MAP3K3: variants seen among roughly 807,000 people sequenced by gnomAD.
MAP3K3 encodes the protein mitogen-activated protein kinase kinase kinase 3.
Under a neutral mutation model 80.9 loss-of-function variants are expected in MAP3K3, and 12 were observed. That is an observed-to-expected ratio of 0.15 (90% CI 0.10 to 0.24). The LOEUF is 0.24. MAP3K3 is among the 10% of genes least tolerant of loss of function. MAP3K3 has a pLI of 1.00. For synonymous variants in MAP3K3, 272 were observed against 307.1 expected, an observed-to-expected ratio of 0.89 and a Z score of 1.19; for missense variants, 596 against 834.7, an observed-to-expected ratio of 0.71 and a Z score of 3.52.
In MAP3K3 at chr17:63,693,727, C is replaced by T; in HGVS notation, c.1831C>T (p.Pro611Ser). Reference sequence around the variant, plus strand: ...CATTTTTGTGGAGGCTCGCCAGAGACCTTCAGCTGAGGAGCTGCTCACACA... The same window carrying T: ...CATTTTTGTGGAGGCTCGCCAGAGATCTTCAGCTGAGGAGCTGCTCACACA... Reference protein sequence around the residue: ...RRIFVEARQRPSAEELLTHHF... With the variant: ...RRIFVEARQRSSAEELLTHHF... Residue 611 changes from proline (P) to serine (S), a missense_variant, in exon 16 of 16, where the codon CCT (proline) becomes TCT (serine). By Grantham distance (74) the Pro-to-Ser change is moderately conservative. Around this residue, in one of 2 missense-constraint regions of MAP3K3, gnomAD observed 364 missense variants for 588.9 expected, o/e 0.62. Transcript: ENST00000361733. The surrounding 1 kb of genome is among the most constrained non-coding windows in gnomAD (Gnocchi z 4.2). The T allele has an allele frequency of 6.2e-7, 1 of 1,603,132 alleles. No homozygotes were observed. The highest frequency in any genetic ancestry group is 8.5e-7 in the Non-Finnish European group (1 of 1,173,042).
intron 2 of MAP3K3, among the ~76,000 whole-genome samples, chr17:63,634,961 C>T: frequency 6.6e-6 from 1 of 152,224 alleles, no homozygotes; most frequent in East Asian, 1.9e-4. Context: ...CACCATTTCT[C>T]ACAACAGTAT....
At chr17:63,632,044 C>CA (rs2090150609) in intron 1 of MAP3K3, among the ~76,000 whole-genome samples, 1 of 152,198 alleles carries the variant, frequency 6.6e-6, no homozygotes, top group Non-Finnish European at 1.5e-5. Context: ...TACCATATTA[C>CA]ATTGTACTGT....
chr17:63,622,455 G>C lies in MAP3K3; in HGVS notation c.-305G>C, dbSNP rs1267151414. ...TTCCTGAGGTGGAGAACGGTGGCCG[G>C]ACGGAGAGACTGCGGGTCTGAGGGA... On this transcript the variant is annotated 5_prime_UTR_variant, in exon 1 of 16. Coordinates refer to ENST00000361733, the MANE Select transcript of MAP3K3 (RefSeq NM_002401.5). The C allele has an allele frequency of 6.5e-6, 1 of 153,238 alleles. No homozygotes were observed. Among genetic ancestry groups the C allele is most frequent in the Admixed American group, 6.5e-5 (1 of 15,300 alleles). The allele number at this position is 153,238 out of a possible 1,614,324, so 9.5% of individuals were successfully genotyped here.
intron 1 of MAP3K3, among the ~76,000 whole-genome samples, chr17:63,625,910 A>G (rs1374459343): frequency 6.6e-6 from 1 of 152,056 alleles, no homozygotes; most frequent in Non-Finnish European, 1.5e-5. Context: ...TGTCTCTACT[A>G]AAAACACACA....
rs530781711 is a variant in MAP3K3 at position 63,694,018 on chromosome 17, G to C, written c.*241G>C. ...GGAGCTCCAGTGTCCTGAGCTCAGCGTGGAGGGGTAGGGGCTGGGAACAGT... is the reference window on the plus strand; with the variant it reads ...GGAGCTCCAGTGTCCTGAGCTCAGCCTGGAGGGGTAGGGGCTGGGAACAGT... On this transcript the variant is annotated 3_prime_UTR_variant, in exon 16 of 16. Transcript: ENST00000361733. 2.3e-5 allele frequency: 11 copies of C among 486,128 alleles called. No individual in the cohort carries two copies. The East Asian group carries it at 3.7e-4, about 16-fold the overall frequency. 30.1% of individuals were successfully genotyped at this position (486,128 alleles called of 1,614,324 possible).
chr17:63,634,088 G>A (rs1329588462), intron 2 of MAP3K3, among the ~76,000 whole-genome samples: 1 of 152,160 alleles, frequency 6.6e-6, no homozygotes, highest in African/African-American at 2.4e-5. Flanking sequence ...TTATAGTACT[G>A]GAGGTATAAA....
intron 3 of MAP3K3, among the ~76,000 whole-genome samples, chr17:63,646,285 A>G (rs867737382): frequency 9.9e-5 from 15 of 152,188 alleles, no homozygotes; most frequent in Non-Finnish European, 1.8e-4. Flanking sequence ...AGCCATTTCA[A>G]CTGCTGATGT....
At chr17:63,649,542 C>T (rs1472850039) in intron 3 of MAP3K3, among the ~76,000 whole-genome samples, 1 of 152,130 alleles carries the variant, frequency 6.6e-6, no homozygotes, top group East Asian at 1.9e-4. Context: ...GCCTCAACCT[C>T]CCAGGTGCCT....
At chr17:63,628,446 C>T (rs1453317074) in intron 1 of MAP3K3, among the ~76,000 whole-genome samples, 10 of 150,912 alleles carry the variant, frequency 6.6e-5, no homozygotes, top group South Asian at 6.3e-4. Context: ...CCGCAACCTC[C>T]GCCTCCCAGC....
intron 6 of MAP3K3, among the ~76,000 whole-genome samples, chr17:63,674,977 A>G (rs148961534): frequency 2.6e-5 from 4 of 152,322 alleles, no homozygotes; most frequent in African/African-American, 9.6e-5. Context: ...TTGAAAGGGT[A>G]GAAGCCAGGA....
In MAP3K3 at chr17:63,689,825, G is replaced by A. The variant is rs773224935; in HGVS notation, c.1063+90G>A. 168 of 1,326,242 alleles carry A rather than the reference G, an allele frequency of 1.3e-4. 2 individuals are homozygous for A. The highest frequency in any genetic ancestry group is 1.1e-3 in the Middle Eastern group (5 of 4,598). The allele number at this position is 1,326,242 out of a possible 1,614,324, so 82.2% of individuals were successfully genotyped here. A position where few individuals can be genotyped will look rare whatever the true frequency, so the allele number is the denominator to read the frequency against. On this transcript the variant is annotated intron_variant, in intron 11 of 15. Coordinates refer to ENST00000361733, the MANE Select transcript of MAP3K3 (RefSeq NM_002401.5). The surrounding 1 kb of genome is among the most constrained non-coding windows in gnomAD (Gnocchi z 4.3). ...ACAGCTGGGCCCCTGGGACCCTTAGGCTCAGCAGGTGGTGGCTTTGGCCCA... is the reference window on the plus strand; with the variant it reads ...ACAGCTGGGCCCCTGGGACCCTTAGACTCAGCAGGTGGTGGCTTTGGCCCA...
chr17:63,662,978 G>A (rs889780180), intron 5 of MAP3K3, among the ~76,000 whole-genome samples: 2 of 150,696 alleles, frequency 1.3e-5, no homozygotes, highest in Non-Finnish European at 3.0e-5. Context: ...CCCGGCCCCA[G>A]AAGAGGGTTC....
At chr17:63,645,656 CTTTT>C (rs1183899162) in intron 2 of MAP3K3, among the ~76,000 whole-genome samples, 2 of 152,172 alleles carry the variant, frequency 1.3e-5, no homozygotes, top group African/African-American at 4.8e-5. Flanking sequence ...AGCAAAATTT[CTTTT>C]TTGTCTTCAG....
At chr17:63,645,427 A>G (rs991182165) in intron 2 of MAP3K3, among the ~76,000 whole-genome samples, 2 of 152,252 alleles carry the variant, frequency 1.3e-5, no homozygotes, top group African/African-American at 4.8e-5. Flanking sequence ...CCAGTGGGGT[A>G]GCTTTGGGAG....
chr17:63,683,285 G>C (rs1369191159), intron 7 of MAP3K3, among the ~76,000 whole-genome samples: 1 of 152,188 alleles, frequency 6.6e-6, no homozygotes, highest in Non-Finnish European at 1.5e-5. Flanking sequence ...ATAAATTCAT[G>C]TTTGGAGTAG....
At chr17:63,664,251 A>G (rs1444902705) in intron 5 of MAP3K3, among the ~76,000 whole-genome samples, 19 of 150,752 alleles carry the variant, frequency 1.3e-4, no homozygotes, top group African/African-American at 4.4e-4. Context: ...CGTCTCAAAA[A>G]AAAAAAAAAA....
intron 5 of MAP3K3, among the ~76,000 whole-genome samples, chr17:63,664,667 A>G (rs1036120761): frequency 6.6e-6 from 1 of 152,146 alleles, no homozygotes; most frequent in African/African-American, 2.4e-5. Context: ...ACTTCTACCC[A>G]GAGTCCTTTA....
Position 63,689,851 on chromosome 17 carries a change from A to G in MAP3K3, c.1063+116A>G. 1 of 938,776 alleles carries G rather than the reference A, an allele frequency of 1.1e-6. No individual in the cohort carries two copies. The highest frequency in any genetic ancestry group is 1.6e-6 in the Non-Finnish European group (1 of 632,760). 58.2% of individuals were successfully genotyped at this position (938,776 alleles called of 1,614,324 possible). ...CTCAGCAGGTGGTGGCTTTGGCCCA[A>G]ATGCACCACATGGGATAAGCCTTGG... On this transcript the variant is annotated intron_variant, in intron 11 of 15. Transcript: ENST00000361733. This position sits in a 1 kb window ranked among gnomAD's most constrained non-coding sequence, Gnocchi z 4.3.
At chr17:63,627,876 G>A (rs981018182) in intron 1 of MAP3K3, among the ~76,000 whole-genome samples, 2 of 151,560 alleles carry the variant, frequency 1.3e-5, no homozygotes, top group East Asian at 1.9e-4. Flanking sequence ...GAGCCAATGC[G>A]CCCGGCCTGT....
Sources: gnomAD v4.1 joint callset for allele counts (sites outside exome capture counted in the v4.1 genomes callset) on GRCh38, gnomAD v4.1.1 for gene constraint, gnomAD v4.1.1 regional missense constraint, Gnocchi (gnomAD v3.1) non-coding constraint, MANE v1.5 for transcripts, NCBI Gene and HGNC (gene_info 2026-07-23, HGNC 2026-07-21) for gene names.